The following CACNA2D1 variants were observed in gnomAD, a reference collection of about 807,000 sequenced individuals.
CACNA2D1 encodes voltage-dependent calcium channel subunit alpha-2/delta-1.
A neutral mutation model predicts 171.5 loss-of-function variants in CACNA2D1; 53 were observed. That is an observed-to-expected ratio of 0.31 (90% confidence interval 0.25 to 0.39). The LOEUF is 0.39. CACNA2D1 is among the 10% of genes least tolerant of loss of function. The probability of loss-of-function intolerance (pLI) is 1.00; values close to 1 mark genes in which losing one functional copy is unlikely to be tolerated. For missense variants in CACNA2D1, 903 were observed against 1,299.8 expected (o/e 0.69, Z 4.69); for synonymous variants, 442 against 443.1 (o/e 1.00, Z 0.03).
In CACNA2D1 at chr7:82,197,014, T is replaced by A. The variant is rs1187919686; in HGVS notation, c.295-26405A>T. Among the ~76,000 whole-genome samples, 8 of 152,004 alleles carry A rather than the reference T, an allele frequency of 5.3e-5. 1 individual carries two copies. Among genetic ancestry groups the A allele is most frequent in the South Asian group, 4.1e-4 (2 of 4,822 alleles). ...GTATCCTTTTCTCATGTAATTTTTT[T>A]AAAGTCAAAGTACTGAATAATAAGA... On this transcript the variant is annotated intron_variant, in intron 3 of 38. Transcript: ENST00000356860.
At chr7:82,159,469 G>A (rs563695036) in intron 4 of CACNA2D1, among the ~76,000 whole-genome samples, 1 of 151,726 alleles carries the variant, frequency 6.6e-6, no homozygotes, top group South Asian at 2.1e-4. Flanking sequence ...CAGAGATTCA[G>A]GAATCCGTCC....
chr7:82,092,768 A>G (rs1182556957), intron 6 of CACNA2D1, among the ~76,000 whole-genome samples: 2 of 151,856 alleles, frequency 1.3e-5, no homozygotes, highest in Non-Finnish European at 2.9e-5. Context: ...TTTCTATTCT[A>G]TATTTTAGAG....
chr7:81,975,875 T>C (rs951133091), intron 24 of CACNA2D1, among the ~76,000 whole-genome samples: 1 of 152,130 alleles, frequency 6.6e-6, no homozygotes, highest in Non-Finnish European at 1.5e-5. Flanking sequence ...GCAAATACTC[T>C]TAGTTGTTTT....
At chr7:82,180,647 C>A (rs1797027092) in intron 3 of CACNA2D1, among the ~76,000 whole-genome samples, 1 of 152,126 alleles carries the variant, frequency 6.6e-6, no homozygotes, top group Non-Finnish European at 1.5e-5. Flanking sequence ...TGATGAGGCG[C>A]TGGGTTGTGA....
chr7:81,987,727 C>G (rs1797115838), intron 21 of CACNA2D1, among the ~76,000 whole-genome samples: 1 of 152,012 alleles, frequency 6.6e-6, no homozygotes, highest in African/African-American at 2.4e-5. Flanking sequence ...TTTAATCTGG[C>G]CCAAAGTTGG....
intron 3 of CACNA2D1, among the ~76,000 whole-genome samples, chr7:82,315,830 G>T (rs73704216): frequency 6.6e-6 from 1 of 152,158 alleles, no homozygotes; most frequent in African/African-American, 2.4e-5. Flanking sequence ...ACTAATGCCC[G>T]CTAACAGTAG....
intron 3 of CACNA2D1, among the ~76,000 whole-genome samples, chr7:82,297,663 C>T (rs759991112): frequency 3.2e-4 from 49 of 152,072 alleles, no homozygotes; most frequent in Non-Finnish European, 5.9e-5. Context: ...CACCTTTAGC[C>T]TTTTTAATGT....
At chr7:82,190,642 T>G (rs1326782652) in intron 3 of CACNA2D1, among the ~76,000 whole-genome samples, 1 of 151,710 alleles carries the variant, frequency 6.6e-6, no homozygotes, top group African/African-American at 2.4e-5. Context: ...CATACCAAAT[T>G]TTTTTTGATA....
intron 3 of CACNA2D1, among the ~76,000 whole-genome samples, chr7:82,202,173 A>G (rs1799512517): frequency 6.6e-6 from 1 of 152,194 alleles, no homozygotes; most frequent in South Asian, 2.1e-4. Context: ...TGTACAAGGT[A>G]TAACTACCCT....
chr7:81,959,508 G>T (rs1390950414), intron 37 of CACNA2D1, 151 bp from the exon 38 acceptor site: 28 of 788,412 alleles, frequency 3.6e-5, no homozygotes, highest in African/African-American at 6.9e-5. Flanking sequence ...GGGATTTAAA[G>T]AACTAAATTG....
At chr7:82,322,337 G>A (rs76963142) in intron 3 of CACNA2D1, among the ~76,000 whole-genome samples, 2,357 of 151,372 alleles carry the variant, frequency 0.016, 44 homozygotes, top group Middle Eastern at 0.065. Context: ...ATTTTGGGCC[G>A]GGCATGGTGG....
intron 3 of CACNA2D1, among the ~76,000 whole-genome samples, chr7:82,202,201 G>A (rs143463229): frequency 7.3e-4 from 111 of 152,298 alleles, no homozygotes; most frequent in African/African-American, 2.4e-3. Flanking sequence ...CTGTACATAC[G>A]GCTTGCACCC....
intron 3 of CACNA2D1, among the ~76,000 whole-genome samples, chr7:82,272,768 A>G (rs1808805990): frequency 6.6e-6 from 1 of 152,212 alleles, no homozygotes; most frequent in East Asian, 1.9e-4. Context: ...TGTTGCTATT[A>G]TAAATAACAT....
intron 3 of CACNA2D1, among the ~76,000 whole-genome samples, chr7:82,282,956 C>T (rs1330993882): frequency 6.6e-6 from 1 of 152,082 alleles, no homozygotes; most frequent in African/African-American, 2.4e-5. Context: ...ACTGGTAATG[C>T]CATGGCAATG....
At chr7:82,328,278 C>T (rs1816889857) in intron 3 of CACNA2D1, among the ~76,000 whole-genome samples, 1 of 152,164 alleles carries the variant, frequency 6.6e-6, no homozygotes, top group African/African-American at 2.4e-5. Context: ...TGCATATCCA[C>T]ATAAACACAC....
At chr7:82,339,762 T>G (rs375239676) in intron 2 of CACNA2D1, among the ~76,000 whole-genome samples, 1 of 152,186 alleles carries the variant, frequency 6.6e-6, no homozygotes, top group Non-Finnish European at 1.5e-5. Flanking sequence ...AGCAATAGAA[T>G]TGGTGGTTAT....
chr7:82,019,867 A>C (rs904727458), intron 12 of CACNA2D1, among the ~76,000 whole-genome samples: 1 of 152,310 alleles, frequency 6.6e-6, no homozygotes, highest in Admixed American at 6.5e-5. Flanking sequence ...TGTTAGAAAA[A>C]TGAAGTCAGA....
At chr7:81,956,858 T>TAAATGCAAATCCAAGACCC (rs1793434005) in intron 38 of CACNA2D1, among the ~76,000 whole-genome samples, 2 of 152,070 alleles carry the variant, frequency 1.3e-5, no homozygotes, top group Admixed American at 6.6e-5. Flanking sequence ...AATGAAGAAC[T>TAAATGCAAATCCAAGACCC]AAATGCAAAT....
intron 4 of CACNA2D1, among the ~76,000 whole-genome samples, chr7:82,159,221 A>G (rs1794689624): frequency 6.6e-6 from 1 of 151,954 alleles, no homozygotes; most frequent in Non-Finnish European, 1.5e-5. Flanking sequence ...AAAGTATGAA[A>G]CAAAATAAAT....
Sources: allele counts gnomAD v4.1 joint callset (sites outside exome capture counted in the v4.1 genomes callset), GRCh38; gene constraint gnomAD v4.1.1; transcripts MANE v1.5; gene names NCBI Gene and HGNC (gene_info 2026-07-23, HGNC 2026-07-21).